Variants in SH3KBP1 observed in about 807,000 individuals in gnomAD.
SH3KBP1 encodes the protein SH3 domain containing kinase binding protein 1, also known as SH3 domain-containing kinase-binding protein 1.
In SH3KBP1, 8 loss-of-function variants were observed where a neutral mutation model predicts 50.1. The observed-to-expected ratio is 0.16, with a 90% CI of 0.09 to 0.29. The LOEUF (loss-of-function observed/expected upper bound fraction) is 0.29. Among genes scored for constraint, SH3KBP1 ranks in the 10% least tolerant of loss-of-function variants. The pLI is 1.00. For synonymous variants in SH3KBP1, 227 were observed against 218.6 expected (o/e 1.04, Z -0.34); for missense variants, 377 against 535.2 (o/e 0.70, Z 2.92).
intron 14 of SH3KBP1, among the ~76,000 whole-genome samples, chrX:19,548,774 G>A (rs777321283): frequency 1.0e-4 from 11 of 109,590 alleles, no homozygotes; most frequent in African/African-American, 3.3e-4. Flanking sequence ...CTGGGTAGAG[G>A]TTATAAGGAC....
chrX:19,788,602 A>C (rs2066436893), intron 2 of SH3KBP1, among the ~76,000 whole-genome samples: 1 of 112,170 alleles, frequency 8.9e-6, no homozygotes, highest in African/African-American at 3.2e-5. Context: ...TGTCAGGTAC[A>C]GTAAATATTC....
chrX:19,588,631 G>A lies in SH3KBP1; in HGVS notation c.1298+12C>T. 2 of 1,207,523 alleles carry A rather than the reference G, an allele frequency of 1.7e-6. No individual in the cohort carries two copies. ...CCCCACACCCGCCCCGGAGGTGAGAGCACAGCAGTACCTGGTGTGTGTCAG... is the reference window on the plus strand; with the variant it reads ...CCCCACACCCGCCCCGGAGGTGAGAACACAGCAGTACCTGGTGTGTGTCAG... On this transcript the variant is annotated intron_variant, in intron 12 of 17. Transcript: ENST00000397821.
At chrX:19,569,856 C>T (rs2065954476) in intron 12 of SH3KBP1, among the ~76,000 whole-genome samples, 1 of 111,537 alleles carries the variant, frequency 9.0e-6, no homozygotes, top group Non-Finnish European at 1.9e-5. Context: ...CCTTCTCATG[C>T]ACAAACAGAA....
chrX:19,849,844 T>C (rs776213760), intron 1 of SH3KBP1, among the ~76,000 whole-genome samples: 2 of 111,968 alleles, frequency 1.8e-5, no homozygotes, highest in South Asian at 7.3e-4. Context: ...ACACTGTTAG[T>C]TGCTGTATGT....
In SH3KBP1 at chrX:19,887,407, C is replaced by A. The variant is rs1375159902; in HGVS notation, c.-97G>T. The A allele has an allele frequency of 3.5e-5, 26 of 732,835 alleles. No individual in the cohort carries two copies. In the Admixed American group the frequency reaches 8.2e-4, roughly 23 times the overall value. 60.4% of individuals were successfully genotyped at this position (732,835 alleles called of 1,213,427 possible). On this transcript the variant is annotated 5_prime_UTR_variant, in exon 1 of 18. Transcript: ENST00000397821. Reference sequence around the variant, plus strand: ...CGGGATCGGGGCGCTGGGATCCAGGCGCGAGGGTCCGGACGCGGCGGCGGC... The same window carrying A: ...CGGGATCGGGGCGCTGGGATCCAGGAGCGAGGGTCCGGACGCGGCGGCGGC...
intron 3 of SH3KBP1, among the ~76,000 whole-genome samples, chrX:19,711,741 T>C (rs988698332): frequency 1.6e-4 from 18 of 111,397 alleles, no homozygotes; most frequent in African/African-American, 5.9e-4. Flanking sequence ...AACGTGGCAG[T>C]ATTCTGAAAT....
At chrX:19,701,326 C>T (rs980275299) in intron 4 of SH3KBP1, among the ~76,000 whole-genome samples, 24 of 112,032 alleles carry the variant, frequency 2.1e-4, no homozygotes, top group Non-Finnish European at 4.1e-4. Flanking sequence ...GATATGTTCA[C>T]CTGGGAAACC....
intron 1 of SH3KBP1, among the ~76,000 whole-genome samples, chrX:19,884,714 G>T (rs1313239415): frequency 8.9e-6 from 1 of 112,172 alleles, no homozygotes; most frequent in Non-Finnish European, 1.9e-5. Flanking sequence ...GAAATCATTT[G>T]TGGGCTTGCA....
chrX:19,661,988 C>A (rs191197072), intron 6 of SH3KBP1, among the ~76,000 whole-genome samples: 306 of 111,585 alleles, frequency 2.7e-3, no homozygotes, highest in Middle Eastern at 9.2e-3. Context: ...ATGTTCTACC[C>A]CTCCACGTTA....
intron 13 of SH3KBP1, among the ~76,000 whole-genome samples, chrX:19,551,536 T>TTCCC (rs1236209040): frequency 1.9e-5 from 2 of 105,371 alleles, no homozygotes; most frequent in East Asian, 5.9e-4. Context: ...TTTCTTTTCT[T>TTCCC]TCCCTCCCTC....
Position 19,803,435 on chromosome X carries a change from C to T in SH3KBP1, c.162+32690G>A, listed in dbSNP as rs192031232. Among the ~76,000 whole-genome samples, 401 of 111,668 alleles carry T rather than the reference C, an allele frequency of 3.6e-3. 1 individual carries two copies. Among genetic ancestry groups the T allele is most frequent in the African/African-American group, 0.012 (367 of 30,734 alleles). On this transcript the variant is annotated intron_variant, in intron 2 of 17. Transcript: ENST00000397821. ...ATGTTGGCCAGGTTGGTCTCAAACC[C>T]CTGGTCTCAAGTGATCCTCCTGCCT...
intron 9 of SH3KBP1, among the ~76,000 whole-genome samples, chrX:19,606,538 T>C (rs2067247944): frequency 8.9e-6 from 1 of 112,587 alleles, no homozygotes; most frequent in African/African-American, 3.2e-5. Flanking sequence ...AATTTCCTTA[T>C]TGAATGATGA....
chrX:19,606,780 G>A (rs1414044406), intron 9 of SH3KBP1, among the ~76,000 whole-genome samples: 1 of 111,737 alleles, frequency 8.9e-6, no homozygotes, highest in African/African-American at 3.3e-5. Flanking sequence ...TGCTATTGCC[G>A]GTCCATGGAT....
At chrX:19,584,049 C>G (rs1781289689) in intron 12 of SH3KBP1, among the ~76,000 whole-genome samples, 1 of 88,108 alleles carries the variant, frequency 1.1e-5, no homozygotes, top group African/African-American at 4.5e-5. Context: ...TTGTAATATT[C>G]TTTTCTATAT....
At chrX:19,846,000 C>T (rs1026174970) in intron 1 of SH3KBP1, among the ~76,000 whole-genome samples, 13 of 111,965 alleles carry the variant, frequency 1.2e-4, no homozygotes, top group African/African-American at 4.2e-4. Flanking sequence ...CAGAAAAACA[C>T]ATTTTTTAAA....
chrX:19,765,271 CAA>C (rs1256155261), intron 2 of SH3KBP1, among the ~76,000 whole-genome samples: 6 of 111,029 alleles, frequency 5.4e-5, no homozygotes, highest in African/African-American at 2.0e-4. Context: ...CGACTTAACC[CAA>C]AGTTAGTATC....
chrX:19,811,479 G>A (rs1473733483), intron 2 of SH3KBP1, among the ~76,000 whole-genome samples: 1 of 111,647 alleles, frequency 9.0e-6, no homozygotes, highest in Non-Finnish European at 1.9e-5. Flanking sequence ...CGAAGCCTTC[G>A]GCAGCAGGCA....
chrX:19,657,380 GA>G (rs58287030), intron 6 of SH3KBP1, among the ~76,000 whole-genome samples: 17,695 of 66,786 alleles, frequency 0.26, 2,323 homozygotes, highest in African/African-American at 0.48. Context: ...ATCCTGCCTC[GA>G]AAAAAAAAAA....
intron 2 of SH3KBP1, among the ~76,000 whole-genome samples, chrX:19,748,094 G>A (rs752213932): frequency 9.8e-5 from 11 of 112,140 alleles, no homozygotes; most frequent in African/African-American, 3.2e-4. Context: ...TTTCCTCACC[G>A]GTTGCTTCTT....
Sources: allele counts gnomAD v4.1 joint callset (sites outside exome capture counted in the v4.1 genomes callset), GRCh38; gene constraint gnomAD v4.1.1; transcripts MANE v1.5; gene names NCBI Gene and HGNC (gene_info 2026-07-23, HGNC 2026-07-21).